Variants in ANKRD44 observed in about 807,000 individuals in gnomAD.
ANKRD44 encodes the protein serine/threonine-protein phosphatase 6 regulatory ankyrin repeat subunit B.
In ANKRD44, 35 loss-of-function variants were observed where a neutral mutation model predicts 116.0. The observed-to-expected ratio is 0.30, with a 90% CI of 0.23 to 0.40. ANKRD44 has a LOEUF of 0.40. Ranked by LOEUF, ANKRD44 falls within the 10% of genes least tolerant of loss-of-function variation. ANKRD44 has a pLI of 1.00. For missense variants in ANKRD44, 1,014 were observed against 1,242.6 expected (o/e 0.82, Z 2.77); for synonymous variants, 435 against 461.8 (o/e 0.94, Z 0.74).
At chr2:197,202,028 T>G (rs959767335) in intron 1 of ANKRD44, among the ~76,000 whole-genome samples, 8 of 152,218 alleles carry the variant, frequency 5.3e-5, no homozygotes, top group African/African-American at 1.9e-4. Flanking sequence ...AAAGGAGAAC[T>G]TTTAGCTGCC....
chr2:197,125,875 T>G lies in ANKRD44; in HGVS notation c.424A>C (p.Thr142Pro). The change falls in exon 5 of 28, where the codon ACA becomes CCA. Residue 142 changes from threonine (T) to proline (P), a missense_variant. Thr to Pro is a conservative substitution (Grantham distance 38). Coordinates refer to ENST00000282272, the MANE Select transcript of ANKRD44 (RefSeq NM_001195144.2). ...TTCAGAGCCGCATGGTGCAAGGCTG[T>G]GCGCCCCCCTCGGTCGGAGACATTG... is the stretch of plus-strand genomic sequence containing the variant. ...SVNVSDRGGR[T>P]ALHHAALNGH... The G allele has an allele frequency of 6.2e-7, 1 of 1,614,192 alleles. No homozygotes were observed. Among genetic ancestry groups the G allele is most frequent in the Non-Finnish European group, 8.5e-7 (1 of 1,180,050 alleles).
At chr2:197,057,086 G>C (rs1011362669) in intron 16 of ANKRD44, among the ~76,000 whole-genome samples, 1 of 151,926 alleles carries the variant, frequency 6.6e-6, no homozygotes, top group Admixed American at 6.6e-5. Flanking sequence ...CCTACTATAA[G>C]GAAAAAAAGC....
At chr2:197,114,486 G>A (rs2078663266) in intron 8 of ANKRD44, among the ~76,000 whole-genome samples, 1 of 152,168 alleles carries the variant, frequency 6.6e-6, no homozygotes, top group Non-Finnish European at 1.5e-5. Flanking sequence ...ACTCAGCATT[G>A]CCTAAGGAAG....
chr2:197,121,847 A>G (rs868193668), intron 7 of ANKRD44, among the ~76,000 whole-genome samples: 38 of 152,330 alleles, frequency 2.5e-4, no homozygotes, highest in Admixed American at 2.4e-3. Flanking sequence ...TCAAAACACC[A>G]AAAGAGAAGT....
At chr2:197,296,108 C>G (rs898363097) in intron 1 of ANKRD44, among the ~76,000 whole-genome samples, 9 of 152,064 alleles carry the variant, frequency 5.9e-5, no homozygotes, top group Admixed American at 5.9e-4. Context: ...GAAGAAATGT[C>G]CTGCTTGAGT....
chr2:197,256,596 C>T (rs560966087), intron 1 of ANKRD44, among the ~76,000 whole-genome samples: 1 of 152,298 alleles, frequency 6.6e-6, no homozygotes, highest in Non-Finnish European at 1.5e-5. Context: ...TAAACATCTA[C>T]TTTTCAGGCT....
At chr2:197,007,957 G>A (rs777794094) in intron 19 of ANKRD44, 34 bp from the exon 20 acceptor site, 2 of 1,484,084 alleles carry the variant, frequency 1.3e-6, no homozygotes, top group South Asian at 1.1e-5. Context: ...TTTTAAAAAG[G>A]AGATTTAAAA....
chr2:197,126,125 T>C, intron 4 of ANKRD44, 88 bp from the exon 5 acceptor site: 1 of 1,397,238 alleles, frequency 7.2e-7, no homozygotes, highest in South Asian at 1.2e-5. Flanking sequence ...ACCCTGGAAC[T>C]ATGGAGAGAA....
In ANKRD44 at chr2:196,989,401, C is replaced by G; in HGVS notation, c.*190G>C. ...GTACACAGAAAGATTACATTTAACT[C>G]CATAAAAAAGCTACTTCAGTTCTCA... On this transcript the variant is annotated 3_prime_UTR_variant, in exon 28 of 28. Transcript: ENST00000282272. 1.7e-6 allele frequency: 2 copies of G among 1,190,876 alleles called. No homozygotes were observed. The highest frequency in any genetic ancestry group is 2.1e-6 in the Non-Finnish European group (2 of 958,566). 73.8% of individuals were successfully genotyped at this position (1,190,876 alleles called of 1,614,324 possible). A position where few individuals can be genotyped will look rare whatever the true frequency, so the allele number is the denominator to read the frequency against.
At chr2:197,173,745 C>T (rs1010922592) in intron 2 of ANKRD44, among the ~76,000 whole-genome samples, 13 of 151,946 alleles carry the variant, frequency 8.6e-5, no homozygotes, top group African/African-American at 3.1e-4. Context: ...AAAAATACAA[C>T]TTACAGCCCG....
chr2:197,286,915 G>T (rs1032707205), intron 1 of ANKRD44, among the ~76,000 whole-genome samples: 1 of 152,152 alleles, frequency 6.6e-6, no homozygotes, highest in Non-Finnish European at 1.5e-5. Flanking sequence ...ATAGAAAAAG[G>T]ATCAGTGGTT....
chr2:197,032,013 C>T (rs2076716656), intron 16 of ANKRD44, among the ~76,000 whole-genome samples: 1 of 152,160 alleles, frequency 6.6e-6, no homozygotes, highest in Non-Finnish European at 1.5e-5. Flanking sequence ...TGTGTACCAA[C>T]CCCAAATCCT....
intron 16 of ANKRD44, among the ~76,000 whole-genome samples, chr2:197,075,436 C>T (rs1200369241): frequency 1.3e-5 from 2 of 152,146 alleles, no homozygotes; most frequent in East Asian, 1.9e-4. Context: ...GCCAAGTCTC[C>T]CCCACTTTGC....
intron 1 of ANKRD44, among the ~76,000 whole-genome samples, chr2:197,211,821 G>C (rs924018916): frequency 6.6e-6 from 1 of 151,722 alleles, no homozygotes; most frequent in South Asian, 2.1e-4. Context: ...GAGGAATAGT[G>C]GGGGGCAGCA....
At chr2:197,071,260 T>C (rs1353410097) in intron 16 of ANKRD44, among the ~76,000 whole-genome samples, 3 of 152,208 alleles carry the variant, frequency 2.0e-5, no homozygotes, top group African/African-American at 4.8e-5. Context: ...TAATTTGCTC[T>C]CTCCAGATTC....
chr2:197,133,428 T>C (rs758015576), intron 4 of ANKRD44, among the ~76,000 whole-genome samples: 52 of 152,340 alleles, frequency 3.4e-4, no homozygotes, highest in African/African-American at 9.6e-4. Flanking sequence ...TTGTGTAAGA[T>C]CTAATTCCTA....
intron 1 of ANKRD44, among the ~76,000 whole-genome samples, chr2:197,200,144 C>T (rs2081060339): frequency 6.6e-6 from 1 of 152,174 alleles, no homozygotes; most frequent in African/African-American, 2.4e-5. Context: ...CAGTACTGAA[C>T]CATGTTCTAC....
At chr2:197,156,570 C>T (rs977050293) in intron 2 of ANKRD44, among the ~76,000 whole-genome samples, 2 of 152,178 alleles carry the variant, frequency 1.3e-5, no homozygotes, top group African/African-American at 4.8e-5. Context: ...AAACATACAA[C>T]TACCATATAA....
intron 1 of ANKRD44, among the ~76,000 whole-genome samples, chr2:197,242,384 A>G (rs1312008953): frequency 2.0e-5 from 3 of 152,188 alleles, no homozygotes; most frequent in African/African-American, 7.2e-5. Context: ...TTCTGGCCAA[A>G]GGAAAACCAC....
Sources: gnomAD v4.1 joint callset for allele counts (sites outside exome capture counted in the v4.1 genomes callset) on GRCh38, gnomAD v4.1.1 for gene constraint, MANE v1.5 for transcripts, NCBI Gene and HGNC (gene_info 2026-07-23, HGNC 2026-07-21) for gene names.